DAB1: variants seen among roughly 807,000 people sequenced by gnomAD.
The protein encoded by DAB1 is DAB adaptor protein 1.
In DAB1, 15 loss-of-function variants were observed where a neutral mutation model predicts 64.6. The observed-to-expected ratio is 0.23, with a 90% CI of 0.16 to 0.36. The LOEUF is 0.36. DAB1 is among the 10% of genes least tolerant of loss of function. The pLI is 1.00. For missense variants in DAB1, 596 were observed against 706.7 expected (o/e 0.84, Z 1.78); for synonymous variants, 235 against 251.9 (o/e 0.93, Z 0.64).
intron 14 of DAB1, among the ~76,000 whole-genome samples, chr1:57,005,335 T>C (rs899357055): frequency 3.9e-5 from 6 of 152,220 alleles, no homozygotes; most frequent in Admixed American, 3.9e-4. Flanking sequence ...ACTAATTATC[T>C]ACCATAAGCA....
intron 6 of DAB1, among the ~76,000 whole-genome samples, chr1:57,775,163 G>T (rs1167608483): frequency 2.0e-5 from 3 of 150,826 alleles, no homozygotes; most frequent in Non-Finnish European, 4.5e-5. Flanking sequence ...TTTTTTCTTG[G>T]TTAGCATAAT....
intron 1 of DAB1, among the ~76,000 whole-genome samples, chr1:57,879,045 T>C (rs1644100738): frequency 6.6e-6 from 1 of 152,180 alleles, no homozygotes; most frequent in African/African-American, 2.4e-5. Flanking sequence ...ATTTTGTATC[T>C]ATATCTCATT....
intron 4 of DAB1, among the ~76,000 whole-genome samples, chr1:57,082,896 CA>C (rs1156630380): frequency 1.2e-4 from 19 of 152,136 alleles, no homozygotes; most frequent in Non-Finnish European, 2.5e-4. Context: ...CTATTTTCAG[CA>C]ACAACATTTT....
Position 57,215,042 on chromosome 1 carries a change from A to G in DAB1, c.68-69613T>C, listed in dbSNP as rs528466527. 4.1e-4 allele frequency among the ~76,000 whole-genome samples: 62 copies of G among 152,262 alleles called. 1 individual carries two copies. The South Asian group carries it at 0.013, about 32-fold the overall frequency. ...AATGTAAGATTCCAGACTGGGAGAC[A>G]ATGAACTAAATAATCACTTGAATAT... On this transcript the variant is annotated intron_variant, in intron 2 of 14. Transcript: ENST00000371236.
intron 3 of DAB1, among the ~76,000 whole-genome samples, chr1:58,413,972 T>C (rs1419697157): frequency 6.6e-6 from 1 of 152,200 alleles, no homozygotes; most frequent in African/African-American, 2.4e-5. Flanking sequence ...ACCTAGAGTA[T>C]ATGGTGTAGC....
chr1:57,784,256 T>C (rs1326369729), intron 6 of DAB1, among the ~76,000 whole-genome samples: 20 of 152,084 alleles, frequency 1.3e-4, no homozygotes. Flanking sequence ...TAGCCAAGTA[T>C]GGTGACATGC....
intron 6 of DAB1, among the ~76,000 whole-genome samples, chr1:57,665,697 G>A (rs1029475591): frequency 2.0e-5 from 3 of 152,058 alleles, no homozygotes; most frequent in Non-Finnish European, 4.4e-5. Flanking sequence ...TAAATAAAAT[G>A]TATGTGGTAT....
chr1:57,423,258 A>C (rs942192309), intron 1 of DAB1, among the ~76,000 whole-genome samples: 1 of 72,590 alleles, frequency 1.4e-5, no homozygotes. Context: ...GCGTGGGGGG[A>C]GGGGGTGCTG....
At chr1:57,605,994 A>G (rs1645631641) in intron 7 of DAB1, 1 of 669,096 alleles carries the variant, frequency 1.5e-6, no homozygotes, top group Non-Finnish European at 2.8e-6. Flanking sequence ...TAGAACCTTC[A>G]CCACAAGGAG....
intron 3 of DAB1, among the ~76,000 whole-genome samples, chr1:58,422,206 C>T (rs920385677): frequency 3.9e-4 from 59 of 151,860 alleles, no homozygotes; most frequent in Admixed American, 1.3e-4. Context: ...TATAATATCA[C>T]GCCTAACTTA....
chr1:58,245,203 G>A (rs766741438), intron 4 of DAB1, among the ~76,000 whole-genome samples: 15 of 152,100 alleles, frequency 9.9e-5, no homozygotes, highest in Non-Finnish European at 1.8e-4. Flanking sequence ...CAAACCCCCC[G>A]CCGCCTCAGA....
chr1:57,373,729 G>GTC (rs1680678695), intron 1 of DAB1, among the ~76,000 whole-genome samples: 1 of 152,168 alleles, frequency 6.6e-6, no homozygotes, highest in Admixed American at 6.5e-5. Context: ...TCTGGTCCAA[G>GTC]CAGAATAAAT....
intron 2 of DAB1, among the ~76,000 whole-genome samples, chr1:57,268,050 T>C (rs907326403): frequency 6.6e-6 from 1 of 152,176 alleles, no homozygotes; most frequent in African/African-American, 2.4e-5. Context: ...CATGTAGGGA[T>C]TTCTCCATGT....
intron 2 of DAB1, among the ~76,000 whole-genome samples, chr1:57,241,004 T>C (rs1442459559): frequency 6.6e-6 from 1 of 152,194 alleles, no homozygotes; most frequent in East Asian, 1.9e-4. Flanking sequence ...AATAGTTACA[T>C]TTGCATGTAT....
rs72912467 is a variant in DAB1, at chr1:57,713,095, A to G, written n.552-63430T>C. 2.1e-3 allele frequency among the ~76,000 whole-genome samples: 326 copies of G among 152,222 alleles called. 1 individual carries two copies. The highest frequency in any genetic ancestry group is 7.2e-3 in the African/African-American group (300 of 41,548). On this transcript the variant is annotated intron_variant and non_coding_transcript_variant, in intron 6 of 20. Coordinates refer to the DAB1 transcript ENST00000485760. ...AAGCACATGTTTCCATCACTGGTACACTCATCTGCATCAGCCGGGATGTTA... is the reference window on the plus strand; with the variant it reads ...AAGCACATGTTTCCATCACTGGTACGCTCATCTGCATCAGCCGGGATGTTA...
intron 6 of DAB1, among the ~76,000 whole-genome samples, chr1:57,818,743 G>A (rs1651982727): frequency 6.7e-6 from 1 of 149,750 alleles, no homozygotes; most frequent in Admixed American, 6.7e-5. Context: ...AATCAAGTCT[G>A]CTAATAACTA....
chr1:58,033,315 G>A (rs987300883), intron 5 of DAB1, among the ~76,000 whole-genome samples: 2 of 152,098 alleles, frequency 1.3e-5, no homozygotes, highest in Non-Finnish European at 2.9e-5. Context: ...CTCACTGTCT[G>A]GATTGTAATC....
At chr1:58,290,794 T>C (rs1661804686) in intron 4 of DAB1, among the ~76,000 whole-genome samples, 1 of 152,174 alleles carries the variant, frequency 6.6e-6, no homozygotes, top group Admixed American at 6.5e-5. Context: ...CACTGCCTGC[T>C]GCTGCAAGTT....
intron 5 of DAB1, among the ~76,000 whole-genome samples, chr1:58,038,938 C>G (rs1004321835): frequency 6.6e-6 from 1 of 152,112 alleles, no homozygotes; most frequent in South Asian, 2.1e-4. Flanking sequence ...ATCATATGTA[C>G]GTTCGGGTCT....
Sources: gnomAD v4.1 joint callset for allele counts (sites outside exome capture counted in the v4.1 genomes callset) on GRCh38, gnomAD v4.1.1 for gene constraint, MANE v1.5 for transcripts, NCBI Gene and HGNC (gene_info 2026-07-23, HGNC 2026-07-21) for gene names.